ADGRB3: variants seen among roughly 807,000 people sequenced by gnomAD.
ADGRB3 encodes the protein adhesion G protein-coupled receptor B3, also known as brain-specific angiogenesis inhibitor 3.
ADGRB3 carries 37 observed loss-of-function variants against 193.4 expected under a neutral mutation model. That is an observed-to-expected ratio of 0.19 (90% CI 0.15 to 0.25). ADGRB3 has a LOEUF of 0.25. Among genes scored for constraint, ADGRB3 ranks in the 10% least tolerant of loss-of-function variants. ADGRB3 has a pLI of 1.00. For synonymous variants in ADGRB3, 690 were observed against 644.2 expected, an observed-to-expected ratio of 1.07 and a Z score of -1.08; for missense variants, 1,637 against 1,852.9, an observed-to-expected ratio of 0.88 and a Z score of 2.14.
chr6:68,814,379 C>G (rs1187783426), intron 3 of ADGRB3, among the ~76,000 whole-genome samples: 1 of 152,100 alleles, frequency 6.6e-6, no homozygotes, highest in Admixed American at 6.5e-5. Flanking sequence ...CTGTTCATAT[C>G]CTTCACCCAC....
intron 31 of ADGRB3, among the ~76,000 whole-genome samples, chr6:69,384,900 A>G (rs1198455016): frequency 2.0e-5 from 3 of 151,940 alleles, no homozygotes; most frequent in East Asian, 1.9e-4. Context: ...GAAAAATTGC[A>G]TAATTGGGTG....
At chr6:69,178,905 C>T (rs1240562095) in intron 17 of ADGRB3, among the ~76,000 whole-genome samples, 1 of 152,080 alleles carries the variant, frequency 6.6e-6, no homozygotes, top group Non-Finnish European at 1.5e-5. Flanking sequence ...TCTTAGATAG[C>T]CTGGTGACTA....
chr6:68,867,555 A>G (rs501521), intron 3 of ADGRB3, among the ~76,000 whole-genome samples: 132,994 of 152,132 alleles, frequency 0.87, 58,390 homozygotes, highest in Middle Eastern at 0.95. Flanking sequence ...GTGGAGCTAT[A>G]CAAAGAAGCC....
intron 17 of ADGRB3, among the ~76,000 whole-genome samples, chr6:69,102,681 A>G (rs1773098960): frequency 6.6e-6 from 1 of 152,198 alleles, no homozygotes; most frequent in African/African-American, 2.4e-5. Context: ...AAAATAGAGC[A>G]TCAGTAATTT....
intron 17 of ADGRB3, chr6:69,232,659 A>G (rs1199494181): frequency 2.0e-6 from 3 of 1,525,636 alleles, no homozygotes. Context: ...CCTGGATACC[A>G]GGCAAAGGCA....
At chr6:69,214,829 T>C (rs1304564433) in intron 17 of ADGRB3, among the ~76,000 whole-genome samples, 1 of 151,816 alleles carries the variant, frequency 6.6e-6, no homozygotes, top group Admixed American at 6.6e-5. Flanking sequence ...GCTCAAATTC[T>C]TAAAAGAAAA....
chr6:69,220,503 A>G (rs1765870036), intron 17 of ADGRB3, among the ~76,000 whole-genome samples: 1 of 152,134 alleles, frequency 6.6e-6, no homozygotes, highest in Non-Finnish European at 1.5e-5. Flanking sequence ...ACATCAGAAT[A>G]CAAGTGAACT....
intron 8 of ADGRB3, among the ~76,000 whole-genome samples, chr6:68,973,165 T>A (rs1199118700): frequency 6.6e-6 from 1 of 152,160 alleles, no homozygotes; most frequent in Non-Finnish European, 1.5e-5. Flanking sequence ...GAAGAGTATA[T>A]GTGGGAAAAG....
intron 17 of ADGRB3, chr6:69,232,578 A>G: frequency 6.5e-7 from 1 of 1,535,702 alleles, no homozygotes; most frequent in Non-Finnish European, 8.7e-7. Context: ...AAGAAATGTC[A>G]AGGACGTCAG....
At chr6:68,852,759 A>G (rs752711520) in intron 3 of ADGRB3, among the ~76,000 whole-genome samples, 1 of 151,994 alleles carries the variant, frequency 6.6e-6, no homozygotes, top group Non-Finnish European at 1.5e-5. Context: ...TCAGTGCTGC[A>G]CACTGTAACA....
intron 17 of ADGRB3, among the ~76,000 whole-genome samples, chr6:69,098,311 A>G (rs1315899171): frequency 1.3e-5 from 2 of 152,222 alleles, no homozygotes; most frequent in African/African-American, 4.8e-5. Context: ...CTATGAAAAC[A>G]GAAAAATATT....
Position 69,361,225 on chromosome 6 carries a change from A to T in ADGRB3, c.3952A>T (p.Asn1318Tyr). ...YIVMPRSSVN[N>Y]QPSMKEESKM... is the part of the protein sequence containing the mutation. ...TGTGATGCCCAGAAGTTCTGTAAAT[A>T]ACCAGCCTTCAATGAAAGAAGAAAG... The change falls in exon 29 of 32, where the codon AAC becomes TAC. Residue 1318 changes from asparagine (N) to tyrosine (Y), a missense_variant. Asn to Tyr is a moderately radical substitution (Grantham distance 143). Coordinates refer to ENST00000370598, the MANE Select transcript of ADGRB3 (RefSeq NM_001704.3). 6.2e-7 allele frequency: 1 copy of T among 1,612,816 alleles called. No homozygotes were observed. Among genetic ancestry groups the T allele is most frequent in the Non-Finnish European group, 8.5e-7 (1 of 1,179,302 alleles).
chr6:69,215,860 C>T (rs1314831343), intron 17 of ADGRB3, among the ~76,000 whole-genome samples: 1 of 152,144 alleles, frequency 6.6e-6, no homozygotes, highest in Non-Finnish European at 1.5e-5. Context: ...AAATAAATTT[C>T]TTAGGCCCTA....
chr6:68,777,668 T>TAAAAA (rs561834409), intron 3 of ADGRB3, among the ~76,000 whole-genome samples: 5 of 78,076 alleles, frequency 6.4e-5, no homozygotes, highest in African/African-American at 1.6e-4. Context: ...CTCTGGGATC[T>TAAAAA]AAAAAAAAAA....
chr6:68,906,502 A>G (rs1451859299), intron 3 of ADGRB3, among the ~76,000 whole-genome samples: 5 of 152,006 alleles, frequency 3.3e-5, no homozygotes. Flanking sequence ...GATTCCAAAA[A>G]GTAGACTTAC....
At chr6:68,789,695 G>A (rs1767059691) in intron 3 of ADGRB3, among the ~76,000 whole-genome samples, 1 of 152,092 alleles carries the variant, frequency 6.6e-6, no homozygotes, top group Non-Finnish European at 1.5e-5. Flanking sequence ...TCTGAATGTT[G>A]GCCTGCCTTG....
In ADGRB3 at chr6:68,974,789, T is replaced by C. The variant is rs756256146; in HGVS notation, c.1552T>C (p.Tyr518His). Residue 518 changes from tyrosine (Y) to histidine (H), a missense_variant, in exon 9 of 32, where the codon TAT becomes CAT. Physicochemically the swap from Tyr to His is moderately conservative, Grantham distance 83. Coordinates refer to ENST00000370598, the MANE Select transcript of ADGRB3 (RefSeq NM_001704.3). The part of the protein sequence containing the change: ...PAPYEICPED[Y>H]LMSMVWKRTP... ...ACCTTATGAAATATGCCCTGAGGAT[T>C]ATCTGATGTCGATGGTGTGGAAAAG... The C allele has an allele frequency of 1.2e-6, 2 of 1,614,030 alleles. No homozygotes were observed. Among genetic ancestry groups the C allele is most frequent in the Admixed American group, 1.7e-5 (1 of 60,004 alleles).
At chr6:69,374,404 G>A (rs927433728) in intron 30 of ADGRB3, among the ~76,000 whole-genome samples, 4 of 152,008 alleles carry the variant, frequency 2.6e-5, no homozygotes, top group Non-Finnish European at 5.9e-5. Context: ...CAAGCTCCCT[G>A]ACACTCCTGC....
intron 10 of ADGRB3, among the ~76,000 whole-genome samples, chr6:68,976,572 T>C (rs1281893534): frequency 1.3e-5 from 2 of 152,182 alleles, no homozygotes; most frequent in African/African-American, 4.8e-5. Flanking sequence ...CAAAAACAGT[T>C]TATTAACACA....
Sources: allele counts gnomAD v4.1 joint callset (sites outside exome capture counted in the v4.1 genomes callset), GRCh38; gene constraint gnomAD v4.1.1; transcripts MANE v1.5; gene names NCBI Gene and HGNC (gene_info 2026-07-23, HGNC 2026-07-21).